KIF7: variants seen among roughly 807,000 people sequenced by gnomAD.
The protein encoded by KIF7 is kinesin-like protein KIF7.
Under a neutral mutation model 135.7 loss-of-function variants are expected in KIF7, and 104 were observed. The ratio of observed to expected loss-of-function variants is 0.77; its 90% CI spans 0.65 to 0.90. The LOEUF (loss-of-function observed/expected upper bound fraction) is 0.90, where lower values mean the gene tolerates loss of function less well. Ranked by LOEUF, KIF7 falls within the 40% of genes least tolerant of loss-of-function variation. The pLI, the probability that KIF7 is intolerant of heterozygous loss-of-function variation, is 0.00. For missense variants in KIF7, 2,005 were observed against 1,839.1 expected, an observed-to-expected ratio of 1.09 and a Z score of -1.65; for synonymous variants, 883 against 809.4, an observed-to-expected ratio of 1.09 and a Z score of -1.54.
chr15:89,621,177 G>A (rs567093790), intron 1 of KIF7, among the ~76,000 whole-genome samples: 83 of 152,074 alleles, frequency 5.5e-4, no homozygotes, highest in African/African-American at 1.4e-3. Flanking sequence ...CTGCCACCAC[G>A]CCCAGCTAAT....
At chr15:89,646,473 A>G (rs1964014750) in intron 7 of KIF7, among the ~76,000 whole-genome samples, 1 of 152,134 alleles carries the variant, frequency 6.6e-6, no homozygotes, top group Admixed American at 6.5e-5. Flanking sequence ...TGAACTTGCA[A>G]AGAGAGCCAT....
At chr15:89,629,886 G>T (rs1963634828) in intron 16 of KIF7, 1 of 533,432 alleles carries the variant, frequency 1.9e-6, no homozygotes, top group African/African-American at 1.9e-5. Context: ...GGACATCTGG[G>T]ACCAGATAAT....
chr15:89,639,350 A>G (rs1399655851), intron 11 of KIF7, among the ~76,000 whole-genome samples: 1 of 149,288 alleles, frequency 6.7e-6, no homozygotes, highest in Non-Finnish European at 1.5e-5. Context: ...CAGAGTGAAC[A>G]GGCAACCTAC....
intron 7 of KIF7, 68 bp downstream of exon 7, chr15:89,646,762 C>T (rs1313617448): frequency 1.7e-5 from 25 of 1,449,994 alleles, no homozygotes; most frequent in Non-Finnish European, 2.4e-5. Flanking sequence ...CCCAGTGCCC[C>T]CTTCCCCTGC....
At chr15:89,624,342 G>C, downstream of KIF7, 1 of 1,614,132 alleles carries the variant, frequency 6.2e-7, no homozygotes, top group Non-Finnish European at 8.5e-7. Context: ...AAGAGCCCCA[G>C]ATGTCACCCA....
chr15:89,641,462 G>A (rs1410995923), intron 11 of KIF7, among the ~76,000 whole-genome samples: 2 of 152,176 alleles, frequency 1.3e-5, no homozygotes, highest in Non-Finnish European at 2.9e-5. Context: ...GATGGAAGGG[G>A]TGGATGCACC....
downstream of KIF7, chr15:89,624,573 A>G: frequency 1.9e-6 from 3 of 1,613,914 alleles, no homozygotes; most frequent in Non-Finnish European, 1.7e-6. Context: ...CAGACTCTAG[A>G]GATGACCAGA....
At chr15:89,661,975 C>T in the KIF7 span, among the ~76,000 whole-genome samples, 2 of 152,098 alleles carry the variant, frequency 1.3e-5, no homozygotes, top group Admixed American at 6.5e-5. Context: ...CCTCGTGATC[C>T]GCCAGCCTTG....
chr15:89,648,724 C>A lies in KIF7; in HGVS notation c.974G>T (p.Cys325Phe), dbSNP rs1964066941. ...GGNAKTVMIACVSPSSSDFDE... is the reference protein window; with the variant it reads ...GGNAKTVMIAFVSPSSSDFDE... ...GAAGTCGGAGGAGGAAGGGCTGACG[C>A]AGGCGATCATCACCGTCTTGGCGTT... The change falls in exon 5 of 19, where the codon TGC becomes TTC. Residue 325 changes from cysteine (C) to phenylalanine (F), a missense_variant. Transcript: ENST00000394412. The A allele has an allele frequency of 6.5e-7, 1 of 1,536,296 alleles. No homozygotes were observed. The highest frequency in any genetic ancestry group is 8.7e-7 in the Non-Finnish European group (1 of 1,146,502).
chr15:89,647,036 G>C lies in KIF7; in HGVS notation c.1582C>G (p.Gln528Glu). 6.2e-7 allele frequency: 1 copy of C among 1,605,176 alleles called. No individual in the cohort carries two copies. Among genetic ancestry groups the C allele is most frequent in the Non-Finnish European group, 8.5e-7 (1 of 1,176,816 alleles). ...KLQSDRLREQ[Q>E]EEMVELRLRL... ...AGCCGCAGTTCCACCATCTCCTCCT[G>C]CTGCTCACGCAGCCGGTCGCTCTGC... Residue 528 changes from glutamine to glutamate, a missense_variant, in exon 7 of 19, where the codon CAG becomes GAG. By Grantham distance (29) the Gln-to-Glu change is conservative. Coordinates refer to ENST00000394412, the MANE Select transcript of KIF7 (RefSeq NM_198525.3).
At chr15:89,638,334 A>G (rs1963852599) in intron 11 of KIF7, among the ~76,000 whole-genome samples, 1 of 143,786 alleles carries the variant, frequency 7.0e-6, no homozygotes, top group African/African-American at 2.6e-5. Context: ...AGGGTATTCA[A>G]TTAGGAAAAG....
chr15:89,645,686 A>C (rs1362296745), intron 8 of KIF7, among the ~76,000 whole-genome samples: 2 of 152,098 alleles, frequency 1.3e-5, no homozygotes, highest in Non-Finnish European at 2.9e-5. Flanking sequence ...GCCTGGGCCC[A>C]CCTTGTATCA....
At chr15:89,632,736 G>A (rs1963706701) in intron 14 of KIF7, 84 bp downstream of exon 14, 4 of 1,451,146 alleles carry the variant, frequency 2.8e-6, no homozygotes, top group Non-Finnish European at 3.8e-6. Context: ...TTACTTGGCA[G>A]GAGCTCACCT....
intron 11 of KIF7, among the ~76,000 whole-genome samples, chr15:89,638,996 C>T (rs377724693): frequency 1.9e-4 from 29 of 152,154 alleles, no homozygotes; most frequent in Non-Finnish European, 3.2e-4. Context: ...CGCCGCATAT[C>T]TACAACTATC....
Position 89,649,292 on chromosome 15 carries a change from G to A in KIF7, c.605C>T (p.Ala202Val), listed in dbSNP as rs1253908330. The A allele has an allele frequency of 3.3e-6, 5 of 1,498,168 alleles. No homozygotes were observed. The highest frequency in any genetic ancestry group is 1.8e-6 in the Non-Finnish European group (2 of 1,118,932). The allele number at this position is 1,498,168 out of a possible 1,614,324, so 92.8% of individuals were successfully genotyped here. A position where few individuals can be genotyped will look rare whatever the true frequency, so the allele number is the denominator to read the frequency against. ...VLSLLEMGNA[A>V]RHTGATHLNH... ...GAGGTGCGTGGCTCCCGTGTGCCGC[G>A]CCGCGTTGCCCATCTCCAGGAGGCT... is the stretch of plus-strand genomic sequence containing the variant. The change falls in exon 4 of 19, where the codon GCG becomes GTG. Residue 202 changes from alanine (A) to valine (V), a missense_variant. Physicochemically the swap from Ala to Val is moderately conservative, Grantham distance 64 (BLOSUM62 0). Coordinates refer to ENST00000394412, the MANE Select transcript of KIF7 (RefSeq NM_198525.3).
chr15:89,634,914 C>T (rs1963771297), intron 11 of KIF7, among the ~76,000 whole-genome samples: 1 of 152,218 alleles, frequency 6.6e-6, no homozygotes, highest in Non-Finnish European at 1.5e-5. Context: ...CCTCTGCAGA[C>T]TTAAATGTCC....
Position 89,640,350 on chromosome 15 carries a change from C to T in KIF7, c.2394+1853G>A, listed in dbSNP as rs141931218. Among the ~76,000 whole-genome samples, 391 of 152,132 alleles carry T rather than the reference C, an allele frequency of 2.6e-3. 2 individuals are homozygous for T. Among genetic ancestry groups the T allele is most frequent in the Admixed American group, 4.3e-3 (65 of 15,282 alleles). ...AGTATACTAATAATGGTAAATACTA[C>T]GACATTTACGCACCAGGCACCACAC... On this transcript the variant is annotated intron_variant, in intron 11 of 18. Transcript: ENST00000394412.
chr15:89,632,525 T>C (rs985004042), intron 14 of KIF7, among the ~76,000 whole-genome samples: 6 of 152,254 alleles, frequency 3.9e-5, no homozygotes, highest in South Asian at 4.2e-4. Flanking sequence ...AACTGTGTCA[T>C]AAATATCTTG....
At chr15:89,619,771 CCTT>C (rs1470477485) in intron 1 of KIF7, 6 of 1,613,878 alleles carry the variant, frequency 3.7e-6, no homozygotes, top group Admixed American at 3.3e-5. Flanking sequence ...CATTCTGCCT[CCTT>C]CTATTCTGTG....
Sources: gnomAD v4.1 joint callset for allele counts (sites outside exome capture counted in the v4.1 genomes callset) on GRCh38, gnomAD v4.1.1 for gene constraint, MANE v1.5 for transcripts, NCBI Gene and HGNC (gene_info 2026-07-23, HGNC 2026-07-21) for gene names.